DNAH9: variants seen among roughly 807,000 people sequenced by gnomAD.
The protein encoded by DNAH9 is dynein axonemal heavy chain 9.
A neutral mutation model predicts 471.6 loss-of-function variants in DNAH9; 345 were observed. That is an observed-to-expected ratio of 0.73 (90% CI 0.67 to 0.80). The LOEUF (loss-of-function observed/expected upper bound fraction) is 0.80, where lower values mean the gene tolerates loss of function less well. DNAH9 is among the 30% of genes least tolerant of loss of function. DNAH9 has a pLI of 0.00. For synonymous variants in DNAH9, 2,093 were observed against 2,123.6 expected, an observed-to-expected ratio of 0.99 and a Z score of 0.40; for missense variants, 5,407 against 5,609.2, an observed-to-expected ratio of 0.96 and a Z score of 1.15.
intron 6 of DNAH9, among the ~76,000 whole-genome samples, chr17:11,625,665 C>T (rs1173180762): frequency 6.6e-6 from 1 of 152,172 alleles, no homozygotes; most frequent in Admixed American, 6.5e-5. Flanking sequence ...GATTCTTCAT[C>T]TCAGGGGCCA....
intron 61 of DNAH9, among the ~76,000 whole-genome samples, chr17:11,916,670 C>T (rs1299882139): frequency 6.6e-6 from 1 of 152,176 alleles, no homozygotes; most frequent in African/African-American, 2.4e-5. Context: ...TGTCTTCCTC[C>T]GTTTAGACTC....
At chr17:11,646,686 G>A (rs1158823901) in intron 11 of DNAH9, among the ~76,000 whole-genome samples, 1 of 152,138 alleles carries the variant, frequency 6.6e-6, no homozygotes, top group African/African-American at 2.4e-5. Flanking sequence ...GGCCAAGGCG[G>A]GCAGATCACC....
intron 4 of DNAH9, among the ~76,000 whole-genome samples, chr17:11,614,206 G>A (rs1292139990): frequency 6.6e-6 from 1 of 151,486 alleles, no homozygotes; most frequent in East Asian, 1.9e-4. Context: ...GAATTTCAGA[G>A]CATCTTTTTT....
chr17:11,907,088 G>T (rs546463816), intron 61 of DNAH9, among the ~76,000 whole-genome samples: 2 of 152,168 alleles, frequency 1.3e-5, no homozygotes, highest in African/African-American at 4.8e-5. Context: ...GATAAGGGGT[G>T]GTGGAGACCA....
intron 38 of DNAH9, among the ~76,000 whole-genome samples, chr17:11,774,998 C>T (rs887611259): frequency 2.0e-5 from 3 of 152,252 alleles, no homozygotes; most frequent in South Asian, 2.1e-4. Flanking sequence ...CGTTTCCTCA[C>T]GTTCCTTTGT....
At chr17:11,725,373 C>G (rs929357475) in intron 27 of DNAH9, among the ~76,000 whole-genome samples, 1 of 152,182 alleles carries the variant, frequency 6.6e-6, no homozygotes, top group East Asian at 1.9e-4. Flanking sequence ...TGCTCATTGT[C>G]TGTTTTCCTT....
intron 38 of DNAH9, 74 bp downstream of exon 38, chr17:11,769,403 C>G (rs1241040917): frequency 1.5e-6 from 2 of 1,360,940 alleles, no homozygotes; most frequent in African/African-American, 1.4e-5. Context: ...TGAAGCCAAG[C>G]GTCAGGTGCC....
intron 15 of DNAH9, among the ~76,000 whole-genome samples, chr17:11,668,679 A>C (rs928286579): frequency 2.6e-5 from 4 of 151,904 alleles, no homozygotes; most frequent in African/African-American, 4.8e-5. Flanking sequence ...AAAAAAAAAA[A>C]AAAAAAACAA....
chr17:11,836,185 T>C (rs915505112), intron 49 of DNAH9, among the ~76,000 whole-genome samples: 3 of 152,170 alleles, frequency 2.0e-5, no homozygotes, highest in Non-Finnish European at 4.4e-5. Context: ...CTTTCTTATA[T>C]CCTCAATTAG....
At chr17:11,785,256 C>A (rs1246769499) in intron 41 of DNAH9, among the ~76,000 whole-genome samples, 3 of 152,030 alleles carry the variant, frequency 2.0e-5, no homozygotes, top group Non-Finnish European at 4.4e-5. Context: ...GGACAAGAAT[C>A]TGCAGAAACT....
chr17:11,853,072 C>CT (rs1430539936), intron 49 of DNAH9: 2 of 151,762 alleles, frequency 1.3e-5, no homozygotes, highest in African/African-American at 4.8e-5. Context: ...CAGGGAGCTC[C>CT]TGCCTAGGAG....
intron 67 of DNAH9, among the ~76,000 whole-genome samples, chr17:11,957,911 A>C (rs1000496460): frequency 2.7e-4 from 41 of 152,210 alleles, no homozygotes; most frequent in Admixed American, 2.6e-3. Context: ...AAATATACCT[A>C]TAATTATCTC....
At chr17:11,619,829 C>T in intron 6 of DNAH9, 48 bp downstream of exon 6, 1 of 1,148,646 alleles carries the variant, frequency 8.7e-7, no homozygotes, top group Non-Finnish European at 1.3e-6. Flanking sequence ...CAGAAAGAAG[C>T]AGTCCAGGGG....
chr17:11,794,451 C>T (rs1224342191), intron 42 of DNAH9, among the ~76,000 whole-genome samples: 1 of 152,182 alleles, frequency 6.6e-6, no homozygotes, highest in Non-Finnish European at 1.5e-5. Flanking sequence ...TCTCTGTCCA[C>T]TACCCAGGTC....
At chr17:11,809,582 A>T (rs1445091322) in intron 44 of DNAH9, among the ~76,000 whole-genome samples, 1 of 152,078 alleles carries the variant, frequency 6.6e-6, no homozygotes, top group Non-Finnish European at 1.5e-5. Flanking sequence ...ATAAAAAATA[A>T]AAAATAAAAA....
chr17:11,748,298 G>A (rs549621542), intron 32 of DNAH9, among the ~76,000 whole-genome samples: 1 of 152,240 alleles, frequency 6.6e-6, no homozygotes, highest in Admixed American at 6.5e-5. Flanking sequence ...CTGCACTCCA[G>A]TCTGGGTGAC....
At chr17:11,929,066 A>C (rs1473069032) in intron 62 of DNAH9, among the ~76,000 whole-genome samples, 8 of 123,518 alleles carry the variant, frequency 6.5e-5, no homozygotes, top group African/African-American at 1.9e-4. Context: ...ACGGAGTCTC[A>C]CTCTGTCGCC....
In DNAH9 at chr17:11,701,130, A is replaced by G; in HGVS notation, c.5034A>G (p.Ile1678Met). ...EPCDCSGQVE[I>M]WLNHVLGHMK... ...CTGAGTTGTTCTTTCAGGTAGAAAT[A>G]TGGCTGAACCATGTCCTTGGTCACA... The change falls in exon 24 of 69, where the codon ATA becomes ATG. Residue 1678 changes from isoleucine to methionine, a missense_variant. Transcript: ENST00000262442. 1.9e-6 allele frequency: 3 copies of G among 1,614,160 alleles called. No individual in the cohort carries two copies. The highest frequency in any genetic ancestry group is 2.5e-6 in the Non-Finnish European group (3 of 1,179,990).
At chr17:11,747,893 A>T in intron 32 of DNAH9, 127 bp downstream of exon 32, 2 of 846,788 alleles carry the variant, frequency 2.4e-6, no homozygotes. Context: ...GCGGAGGGAG[A>T]CAAAAAAGCC....
Sources: gnomAD v4.1 joint callset for allele counts (sites outside exome capture counted in the v4.1 genomes callset) on GRCh38, gnomAD v4.1.1 for gene constraint, MANE v1.5 for transcripts, NCBI Gene and HGNC (gene_info 2026-07-23, HGNC 2026-07-21) for gene names.